Variants in ENTPD1 observed in about 807,000 individuals in gnomAD.
ENTPD1 encodes ectonucleoside triphosphate diphosphohydrolase 1.
Under a neutral mutation model 57.0 loss-of-function variants are expected in ENTPD1, and 33 were observed. The observed-to-expected ratio is 0.58, with a 90% CI of 0.44 to 0.77. The LOEUF is 0.77. ENTPD1 is among the 30% of genes least tolerant of loss of function. ENTPD1 has a pLI of 0.00. For missense variants in ENTPD1, 501 were observed against 603.4 expected (o/e 0.83, Z 1.78); for synonymous variants, 202 against 218.8 (o/e 0.92, Z 0.68).
upstream of ENTPD1, among the ~76,000 whole-genome samples, chr10:95,751,046 A>T (rs1215277717): frequency 1.3e-5 from 2 of 152,104 alleles, no homozygotes; most frequent in Non-Finnish European, 2.9e-5. Flanking sequence ...ACAAAAATTC[A>T]GAGTTTTATA....
chr10:95,873,467 C>T lies in ENTPD1; in HGVS notation c.*7084C>T, dbSNP rs2098482631. 5 of 985,534 alleles carry T rather than the reference C, an allele frequency of 5.1e-6. No individual in the cohort carries two copies. The highest frequency in any genetic ancestry group is 1.7e-5 in the African/African-American group (1 of 57,360). 61.0% of individuals were successfully genotyped at this position (985,534 alleles called of 1,614,324 possible). A position where few individuals can be genotyped will look rare whatever the true frequency, so the allele number is the denominator to read the frequency against. On this transcript the variant is annotated 3_prime_UTR_variant, in exon 10 of 10. Coordinates refer to ENST00000371205, the MANE Select transcript of ENTPD1 (RefSeq NM_001776.6). Reference sequence around the variant, plus strand: ...CTTAAGAGGGATTTCTTCCAGCTCTCTTGCCCTGGTCTTCAGTGTATTAGA... The same window carrying T: ...CTTAAGAGGGATTTCTTCCAGCTCTTTTGCCCTGGTCTTCAGTGTATTAGA...
chr10:95,862,744 A>G (rs1161104139), intron 8 of ENTPD1, among the ~76,000 whole-genome samples: 2 of 152,202 alleles, frequency 1.3e-5, no homozygotes, highest in African/African-American at 4.8e-5. Flanking sequence ...GTCATCCAAG[A>G]TCTGGTCAGC....
intron 2 of ENTPD1, among the ~76,000 whole-genome samples, chr10:95,838,160 C>T (rs1254806268): frequency 6.6e-6 from 1 of 152,154 alleles, no homozygotes; most frequent in Admixed American, 6.5e-5. Context: ...GATTTAAAAG[C>T]ACATGTGCCA....
chr10:95,766,638 T>C (rs2098089446), intron 1 of ENTPD1, among the ~76,000 whole-genome samples: 1 of 152,200 alleles, frequency 6.6e-6, no homozygotes, highest in Non-Finnish European at 1.5e-5. Flanking sequence ...CTCATTTGGC[T>C]GATATATTTT....
At position 95,720,098 on chromosome 10, in the gene ENTPD1, G is replaced by T. The variant is rs530468711; in HGVS notation, c.37+8105G>T. On this transcript the variant is annotated intron_variant, in intron 1 of 9. Transcript: ENST00000453258. ...GGAGTATTGCAGGGGCTATTGCATG[G>T]TTTTACTAGGCCTTGGGCTTTTAGT... Among the ~76,000 whole-genome samples, 105 of 152,236 alleles carry T rather than the reference G, an allele frequency of 6.9e-4. 1 individual carries two copies. In the East Asian group the frequency reaches 0.019, roughly 27 times the overall value.
At chr10:95,849,360 T>C (rs1309696151) in intron 7 of ENTPD1, among the ~76,000 whole-genome samples, 1 of 152,252 alleles carries the variant, frequency 6.6e-6, no homozygotes, top group Non-Finnish European at 1.5e-5. Context: ...TCATTCAAGA[T>C]ATTCAAAGAA....
At chr10:95,815,854 T>C (rs2098328225) in intron 1 of ENTPD1, among the ~76,000 whole-genome samples, 1 of 152,140 alleles carries the variant, frequency 6.6e-6, no homozygotes, top group African/African-American at 2.4e-5. Flanking sequence ...TTGGAAGAGA[T>C]CCAAGTGGGC....
chr10:95,781,842 G>T (rs563888110), intron 1 of ENTPD1, among the ~76,000 whole-genome samples: 7 of 152,242 alleles, frequency 4.6e-5, no homozygotes, highest in African/African-American at 1.7e-4. Context: ...ATTGATGGTG[G>T]GTTTTCAGGT....
intron 1 of ENTPD1, among the ~76,000 whole-genome samples, chr10:95,746,991 G>T (rs1485926264): frequency 6.6e-6 from 1 of 152,134 alleles, no homozygotes; most frequent in East Asian, 1.9e-4. Flanking sequence ...AAATAGTACT[G>T]ACTTATTATC....
the ENTPD1 span, among the ~76,000 whole-genome samples, chr10:95,697,211 CCA>C: frequency 6.6e-6 from 1 of 152,038 alleles, no homozygotes; most frequent in Non-Finnish European, 1.5e-5. Context: ...GATTGAAGTA[CCA>C]CTGTAGGAAG....
intron 1 of ENTPD1, among the ~76,000 whole-genome samples, chr10:95,720,062 C>G (rs2097975815): frequency 6.6e-6 from 1 of 152,140 alleles, no homozygotes; most frequent in Admixed American, 6.5e-5. Context: ...GGTTTCTGTA[C>G]TCCTAAAATT....
intron 1 of ENTPD1, among the ~76,000 whole-genome samples, chr10:95,796,763 G>T (rs1181643666): frequency 6.6e-6 from 1 of 152,132 alleles, no homozygotes; most frequent in Admixed American, 6.6e-5. Context: ...AGAAGTTATT[G>T]TAGGAGTCCA....
upstream of ENTPD1, chr10:95,755,749 T>C: frequency 6.5e-7 from 1 of 1,537,192 alleles, no homozygotes; most frequent in Non-Finnish European, 8.7e-7. Context: ...ACTTTCAGTT[T>C]TTCGAGCGGG....
intron 1 of ENTPD1, among the ~76,000 whole-genome samples, chr10:95,788,053 A>G (rs2098187630): frequency 1.3e-5 from 2 of 152,334 alleles, no homozygotes; most frequent in Admixed American, 1.3e-4. Flanking sequence ...TTTGCAAGTT[A>G]GAGGAAGATA....
At position 95,867,068 on chromosome 10, in the gene ENTPD1, T is replaced by C. The variant is rs763863981; in HGVS notation, c.*685T>C. 2.0e-6 allele frequency: 2 copies of C among 987,102 alleles called. No individual in the cohort carries two copies. Among genetic ancestry groups the C allele is most frequent in the Non-Finnish European group, 2.4e-6 (2 of 831,094 alleles). The allele number at this position is 987,102 out of a possible 1,614,324, so 61.1% of individuals were successfully genotyped here. A position where few individuals can be genotyped will look rare whatever the true frequency, so the allele number is the denominator to read the frequency against. ...CAGAGTGGAACACTCAGACCTGAGA[T>C]TTGCAAAAAGCAGATGTAAATATAT... On this transcript the variant is annotated 3_prime_UTR_variant, in exon 10 of 10. Transcript: ENST00000371205.
At chr10:95,803,910 T>C (rs2098261348) in intron 1 of ENTPD1, among the ~76,000 whole-genome samples, 1 of 152,220 alleles carries the variant, frequency 6.6e-6, no homozygotes, top group East Asian at 1.9e-4. Flanking sequence ...CAGTTTCAGC[T>C]TTCTACATAT....
At chr10:95,860,995 G>T (rs1219205546) in intron 8 of ENTPD1, among the ~76,000 whole-genome samples, 2 of 152,184 alleles carry the variant, frequency 1.3e-5, no homozygotes, top group African/African-American at 4.8e-5. Context: ...CCTTTTTACA[G>T]GAAAGCAAAA....
intron 1 of ENTPD1, among the ~76,000 whole-genome samples, chr10:95,768,681 A>T (rs2098101714): frequency 6.6e-6 from 1 of 152,048 alleles, no homozygotes. Flanking sequence ...CTTCCATGAA[A>T]TCTTTTATTT....
intron 1 of ENTPD1, among the ~76,000 whole-genome samples, chr10:95,810,241 C>A (rs4918971): frequency 7.0e-6 from 1 of 143,188 alleles, no homozygotes; most frequent in Non-Finnish European, 1.5e-5. Flanking sequence ...AGGCACTCCT[C>A]ACCTCCCAGA....
Sources: gnomAD v4.1 joint callset for allele counts (sites outside exome capture counted in the v4.1 genomes callset) on GRCh38, gnomAD v4.1.1 for gene constraint, MANE v1.5 for transcripts, NCBI Gene and HGNC (gene_info 2026-07-23, HGNC 2026-07-21) for gene names.